TMEM117: variants seen among roughly 807,000 people sequenced by gnomAD.
The protein encoded by TMEM117 is transmembrane protein 117.
A neutral mutation model predicts 52.4 loss-of-function variants in TMEM117; 27 were observed. The ratio of observed to expected loss-of-function variants is 0.51; its 90% CI spans 0.38 to 0.71. The LOEUF is 0.71. Ranked by LOEUF, TMEM117 falls within the 30% of genes least tolerant of loss-of-function variation. TMEM117 has a pLI of 0.00. For missense variants in TMEM117, 556 were observed against 630.5 expected (o/e 0.88, Z 1.26); for synonymous variants, 215 against 206.3 (o/e 1.04, Z -0.36).
intron 6 of TMEM117, among the ~76,000 whole-genome samples, chr12:44,353,573 T>C (rs1951599083): frequency 6.6e-6 from 1 of 152,160 alleles, no homozygotes; most frequent in South Asian, 2.1e-4. Flanking sequence ...CCATTGCTTG[T>C]TTTTGTCAGG....
At chr12:44,238,286 AAGG>A (rs1407748730) in intron 5 of TMEM117, among the ~76,000 whole-genome samples, 8 of 152,150 alleles carry the variant, frequency 5.3e-5, no homozygotes, top group South Asian at 2.1e-4. Flanking sequence ...GTAAGTACAT[AAGG>A]AGAAGAGCTT....
intron 6 of TMEM117, among the ~76,000 whole-genome samples, chr12:44,310,415 G>C (rs1432833177): frequency 1.3e-5 from 2 of 152,220 alleles, no homozygotes; most frequent in Non-Finnish European, 2.9e-5. Flanking sequence ...GAGGCGGGTG[G>C]ATCACCTGAG....
chr12:44,204,186 G>T (rs911396568), intron 4 of TMEM117, among the ~76,000 whole-genome samples: 4 of 152,032 alleles, frequency 2.6e-5, no homozygotes, highest in African/African-American at 9.7e-5. Context: ...AACCCTAAAA[G>T]GCTCCTAAAC....
intron 5 of TMEM117, among the ~76,000 whole-genome samples, chr12:44,238,193 A>G (rs1950021083): frequency 6.6e-6 from 1 of 152,204 alleles, no homozygotes; most frequent in African/African-American, 2.4e-5. Flanking sequence ...ATTTATTAGA[A>G]AAGTTAAAAG....
At chr12:44,371,811 A>G (rs1268083847) in intron 6 of TMEM117, among the ~76,000 whole-genome samples, 1 of 152,212 alleles carries the variant, frequency 6.6e-6, no homozygotes, top group Non-Finnish European at 1.5e-5. Flanking sequence ...GTGAACTGAA[A>G]TTTTGTGTCT....
chr12:44,042,761 TACAC>T (rs61350418), intron 3 of TMEM117, among the ~76,000 whole-genome samples: 30,884 of 131,714 alleles, frequency 0.23, 3,828 homozygotes, highest in East Asian at 0.48. Context: ...CTTAATAAAC[TACAC>T]ACACACACAC....
intron 3 of TMEM117, among the ~76,000 whole-genome samples, chr12:43,956,457 A>G (rs556847979): frequency 6.7e-6 from 1 of 149,976 alleles, no homozygotes; most frequent in Admixed American, 6.7e-5. Flanking sequence ...GTAAAAACAC[A>G]ACCCTGTTAA....
At chr12:44,080,533 A>C (rs893499572) in intron 3 of TMEM117, among the ~76,000 whole-genome samples, 3 of 152,122 alleles carry the variant, frequency 2.0e-5, no homozygotes, top group African/African-American at 7.2e-5. Flanking sequence ...GTTATGCATA[A>C]AGATGATGTT....
At position 43,848,402 on chromosome 12, in the gene TMEM117, A is replaced by C. The variant is rs140528751; in HGVS notation, c.277+3474A>C. On this transcript the variant is annotated intron_variant, in intron 2 of 7. Coordinates refer to ENST00000266534, the MANE Select transcript of TMEM117 (RefSeq NM_032256.3). ...ACATTCCCAGAGCTGCCGTTTATAG[A>C]CCTCCCCCCAGAAATGCATTCTTTT... is the stretch of plus-strand genomic sequence containing the variant. 4.6e-3 allele frequency among the ~76,000 whole-genome samples: 696 copies of C among 151,670 alleles called. 3 individuals are homozygous for C. Among genetic ancestry groups the C allele is most frequent in the Admixed American group, 7.4e-3 (112 of 15,234 alleles).
At chr12:44,385,277 C>T (rs922436733) in intron 7 of TMEM117, among the ~76,000 whole-genome samples, 5 of 152,154 alleles carry the variant, frequency 3.3e-5, no homozygotes, top group African/African-American at 1.2e-4. Context: ...TCCTTCTCCA[C>T]CCCATCTAAA....
chr12:44,139,541 A>G (rs1948541543), intron 3 of TMEM117, among the ~76,000 whole-genome samples: 1 of 152,044 alleles, frequency 6.6e-6, no homozygotes, highest in Admixed American at 6.6e-5. Context: ...GGAAAAAATA[A>G]TTGAAGTTAG....
intron 2 of TMEM117, among the ~76,000 whole-genome samples, chr12:43,861,126 AG>A (rs1324928775): frequency 6.6e-6 from 1 of 152,142 alleles, no homozygotes; most frequent in Non-Finnish European, 1.5e-5. Context: ...TCCGTAGTGG[AG>A]GCAATGCTAA....
intron 5 of TMEM117, among the ~76,000 whole-genome samples, chr12:44,253,616 G>A (rs1445242840): frequency 6.6e-6 from 1 of 152,032 alleles, no homozygotes; most frequent in African/African-American, 2.4e-5. Context: ...AACTCAGCAG[G>A]TGAGCTAGTG....
intron 5 of TMEM117, among the ~76,000 whole-genome samples, chr12:44,283,149 G>A (rs563647892): frequency 1.1e-4 from 17 of 152,360 alleles, no homozygotes; most frequent in Admixed American, 2.0e-4. Flanking sequence ...CTGCAGGGGC[G>A]AGGCCCTCAT....
intron 2 of TMEM117, among the ~76,000 whole-genome samples, chr12:43,942,032 A>G (rs906529690): frequency 3.3e-5 from 5 of 152,248 alleles, no homozygotes; most frequent in African/African-American, 1.2e-4. Flanking sequence ...AGGAACTCTA[A>G]TTGCCGGTCT....
the TMEM117 span, among the ~76,000 whole-genome samples, chr12:43,815,062 C>T: frequency 6.6e-6 from 1 of 152,056 alleles, no homozygotes; most frequent in Admixed American, 6.6e-5. Context: ...TGAATCTTAC[C>T]CTGTCACTTG....
intron 3 of TMEM117, chr12:44,010,350 G>GT (rs1170998362): frequency 2.4e-6 from 1 of 414,698 alleles, no homozygotes; most frequent in East Asian, 7.8e-5. Context: ...GCTGCTCTGG[G>GT]TATTGAAGCT....
At chr12:44,182,941 T>C (rs569805578) in intron 4 of TMEM117, among the ~76,000 whole-genome samples, 1 of 152,338 alleles carries the variant, frequency 6.6e-6, no homozygotes, top group African/African-American at 2.4e-5. Flanking sequence ...TCTATCTTAG[T>C]ACATACCTTT....
intron 3 of TMEM117, among the ~76,000 whole-genome samples, chr12:44,139,924 G>A (rs1948547464): frequency 6.6e-6 from 1 of 152,032 alleles, no homozygotes; most frequent in Non-Finnish European, 1.5e-5. Context: ...AAATGTTAAT[G>A]GATATGCAAA....
Sources: gnomAD v4.1 joint callset for allele counts (sites outside exome capture counted in the v4.1 genomes callset) on GRCh38, gnomAD v4.1.1 for gene constraint, MANE v1.5 for transcripts, NCBI Gene and HGNC (gene_info 2026-07-23, HGNC 2026-07-21) for gene names.